DOK6: variants seen among roughly 807,000 people sequenced by gnomAD.
DOK6 encodes docking protein 6, also known as downstream of tyrosine kinase 6.
In DOK6, 22 loss-of-function variants were observed where a neutral mutation model predicts 44.0. That is an observed-to-expected ratio of 0.50 (90% CI 0.36 to 0.71). The LOEUF (loss-of-function observed/expected upper bound fraction) is 0.71, where lower values mean the gene tolerates loss of function less well. Ranked by LOEUF, DOK6 falls within the 30% of genes least tolerant of loss-of-function variation. The pLI is 0.00. For synonymous variants in DOK6, 166 were observed against 145.5 expected, an observed-to-expected ratio of 1.14 and a Z score of -1.01; for missense variants, 340 against 416.4, an observed-to-expected ratio of 0.82 and a Z score of 1.60.
chr18:69,840,875 G>A (rs762827723), intron 7 of DOK6, among the ~76,000 whole-genome samples: 2 of 152,170 alleles, frequency 1.3e-5, no homozygotes, highest in Non-Finnish European at 1.5e-5. Context: ...CAGCTTACAG[G>A]CTCTCCATTA....
At chr18:69,676,489 A>T (rs1026609749) in intron 3 of DOK6, among the ~76,000 whole-genome samples, 2 of 152,188 alleles carry the variant, frequency 1.3e-5, no homozygotes, top group Non-Finnish European at 1.5e-5. Flanking sequence ...ATAACTTTTC[A>T]TGGGGCATTT....
At chr18:69,787,898 T>C (rs1195209195) in intron 7 of DOK6, among the ~76,000 whole-genome samples, 1 of 152,224 alleles carries the variant, frequency 6.6e-6, no homozygotes, top group East Asian at 1.9e-4. Flanking sequence ...ACTAAATATA[T>C]ATGCACTTTA....
At chr18:69,793,922 G>T (rs190926566) in intron 7 of DOK6, among the ~76,000 whole-genome samples, 112 of 152,106 alleles carry the variant, frequency 7.4e-4, no homozygotes, top group African/African-American at 2.6e-3. Context: ...ACGAAACTGA[G>T]GACTCTTTTC....
At chr18:69,570,580 T>G (rs1423204656) in intron 2 of DOK6, among the ~76,000 whole-genome samples, 2 of 152,130 alleles carry the variant, frequency 1.3e-5, no homozygotes, top group Admixed American at 6.5e-5. Flanking sequence ...ATTTACAGAT[T>G]TAATAAATTC....
intron 5 of DOK6, among the ~76,000 whole-genome samples, chr18:69,724,383 T>A (rs1435440222): frequency 1.3e-5 from 2 of 152,218 alleles, no homozygotes; most frequent in African/African-American, 4.8e-5. Flanking sequence ...AAAATGAACA[T>A]TTCATGGAGC....
intron 6 of DOK6, 89 bp from the exon 7 acceptor site, chr18:69,757,667 C>T: frequency 9.6e-7 from 1 of 1,036,580 alleles, no homozygotes; most frequent in Non-Finnish European, 1.5e-6. Flanking sequence ...TTCTATCTGT[C>T]ACTCACATTT....
intron 1 of DOK6, among the ~76,000 whole-genome samples, chr18:69,558,836 T>A (rs1982755136): frequency 1.3e-5 from 2 of 152,126 alleles, no homozygotes; most frequent in Admixed American, 1.3e-4. Flanking sequence ...GAATCTTTAG[T>A]TTAGTTAATA....
chr18:69,756,394 G>A (rs543309809), intron 6 of DOK6, among the ~76,000 whole-genome samples: 2 of 152,086 alleles, frequency 1.3e-5, no homozygotes, highest in Non-Finnish European at 2.9e-5. Flanking sequence ...GAAAAACAAA[G>A]AATGGCTGCA....
At chr18:69,739,940 CTA>C (rs1407100338) in intron 6 of DOK6, among the ~76,000 whole-genome samples, 1 of 152,168 alleles carries the variant, frequency 6.6e-6, no homozygotes, top group African/African-American at 2.4e-5. Flanking sequence ...GTTTTTATCT[CTA>C]AAATTCTATG....
chr18:69,718,202 A>C (rs1986926851), intron 5 of DOK6, among the ~76,000 whole-genome samples: 1 of 152,286 alleles, frequency 6.6e-6, no homozygotes, highest in African/African-American at 2.4e-5. Flanking sequence ...AAGCAACCAA[A>C]GTAATTTTGA....
At chr18:69,694,058 C>CAAAAAAAAAAAAAAAAAA (rs60662789) in intron 4 of DOK6, among the ~76,000 whole-genome samples, 23 of 62,006 alleles carry the variant, frequency 3.7e-4, no homozygotes, top group East Asian at 1.4e-3. Flanking sequence ...GACTCCGTGT[C>CAAAAAAAAAAAAAAAAAA]AAAAAAAAAA....
At chr18:69,449,864 G>A (rs1225770033) in intron 1 of DOK6, among the ~76,000 whole-genome samples, 1 of 151,268 alleles carries the variant, frequency 6.6e-6, no homozygotes, top group African/African-American at 2.4e-5. Context: ...CTGTTAGAAG[G>A]AAAACTAACA....
intron 7 of DOK6, among the ~76,000 whole-genome samples, chr18:69,767,758 T>C (rs1979763388): frequency 6.6e-6 from 1 of 152,224 alleles, no homozygotes; most frequent in South Asian, 2.1e-4. Flanking sequence ...TGCATTCTAC[T>C]GGCTGGACTA....
At chr18:69,719,133 C>T (rs1986949036) in intron 5 of DOK6, among the ~76,000 whole-genome samples, 1 of 152,152 alleles carries the variant, frequency 6.6e-6, no homozygotes, top group African/African-American at 2.4e-5. Context: ...TATTGCAAAT[C>T]AGCCAAATGG....
At chr18:69,725,015 C>T (rs943351815) in intron 5 of DOK6, 2 of 152,214 alleles carry the variant, frequency 1.3e-5, no homozygotes, top group Non-Finnish European at 2.9e-5. Flanking sequence ...AAAACTCTTT[C>T]TGTATAAATA....
intron 6 of DOK6, among the ~76,000 whole-genome samples, chr18:69,751,684 A>G (rs1979184171): frequency 6.6e-6 from 1 of 152,156 alleles, no homozygotes. Context: ...GTTCTCTACT[A>G]CAAAACATTA....
At chr18:69,576,770 G>C (rs1001236967) in intron 2 of DOK6, among the ~76,000 whole-genome samples, 11 of 152,204 alleles carry the variant, frequency 7.2e-5, no homozygotes, top group African/African-American at 2.4e-4. Flanking sequence ...TGTCATAACA[G>C]ATATTGAAAA....
At chr18:69,699,963 G>A (rs986068673) in intron 5 of DOK6, among the ~76,000 whole-genome samples, 1 of 152,048 alleles carries the variant, frequency 6.6e-6, no homozygotes, top group Non-Finnish European at 1.5e-5. Context: ...GAAGGAGAAA[G>A]ACACATCTCA....
chr18:69,753,704 C>T (rs1979259671), intron 6 of DOK6, among the ~76,000 whole-genome samples: 1 of 152,164 alleles, frequency 6.6e-6, no homozygotes, highest in African/African-American at 2.4e-5. Flanking sequence ...TATGCCAGAG[C>T]ATCGTTTCTA....
Sources: allele counts gnomAD v4.1 joint callset (sites outside exome capture counted in the v4.1 genomes callset), GRCh38; gene constraint gnomAD v4.1.1; transcripts MANE v1.5; gene names NCBI Gene and HGNC (gene_info 2026-07-23, HGNC 2026-07-21).